The following MESP1 variants were observed in gnomAD, a reference collection of about 807,000 sequenced individuals.
MESP1 encodes mesoderm posterior bHLH transcription factor 1.
Under a neutral mutation model 15.2 loss-of-function variants are expected in MESP1, and 22 were observed. That is an observed-to-expected ratio of 1.45 (90% CI 1.04 to 2.07). MESP1 has a LOEUF of 2.07. MESP1 is among the 30% of genes most tolerant of loss of function. The probability of loss-of-function intolerance (pLI) is 0.00; values close to 1 mark genes in which losing one functional copy is unlikely to be tolerated. For synonymous variants in MESP1, 216 were observed against 192.6 expected, an observed-to-expected ratio of 1.12 and a Z score of -1.01; for missense variants, 484 against 411.9, an observed-to-expected ratio of 1.17 and a Z score of -1.51.
At chr15:89,748,811 T>G, downstream of MESP1, 1 of 152,200 alleles carries the variant, frequency 6.6e-6, no homozygotes, top group East Asian at 1.9e-4. Context: ...GTGAAAACGT[T>G]CTAAAATTAG....
chr15:89,736,181 C>T, the MESP1 span, among the ~76,000 whole-genome samples: 6 of 152,120 alleles, frequency 3.9e-5, no homozygotes, highest in African/African-American at 9.7e-5. Context: ...CTCAGTTCGG[C>T]GATGGACTCC....
At chr15:89,750,355 C>T in intron 1 of MESP1, 128 bp from the exon 2 acceptor site, 1 of 1,500,310 alleles carries the variant, frequency 6.7e-7, no homozygotes, top group Non-Finnish European at 8.9e-7. Flanking sequence ...TGGCCTTTCC[C>T]TGCCTTCGCT....
At chr15:89,746,518 GCCCAACCTCC>G (rs1967959771), downstream of MESP1, among the ~76,000 whole-genome samples, 1 of 61,764 alleles carries the variant, frequency 1.6e-5, no homozygotes, top group Non-Finnish European at 3.1e-5. Context: ...CACACACACA[GCCCAACCTCC>G]ACACACGCAC....
chr15:89,743,604 G>T, the MESP1 span: 1 of 581,476 alleles, frequency 1.7e-6, no homozygotes, highest in South Asian at 2.1e-5. Flanking sequence ...GCAGGCAGAT[G>T]TGTCACCCAA....
chr15:89,745,863 CAGG>C (rs1967930830), downstream of MESP1, among the ~76,000 whole-genome samples: 1 of 80,130 alleles, frequency 1.2e-5, no homozygotes, highest in Admixed American at 1.1e-4. This position sits in a 1 kb window ranked among gnomAD's most constrained non-coding sequence, Gnocchi z 4.8. Context: ...TTCCTCCCCA[CAGG>C]ATCCACACAC....
chr15:89,738,661 T>C, the MESP1 span, among the ~76,000 whole-genome samples: 1 of 144,842 alleles, frequency 6.9e-6, no homozygotes, highest in African/African-American at 2.6e-5. Context: ...TTCCCCTAAG[T>C]GAAGGGTTCT....
At chr15:89,737,051 A>G in the MESP1 span, among the ~76,000 whole-genome samples, 1 of 152,192 alleles carries the variant, frequency 6.6e-6, no homozygotes, top group Non-Finnish European at 1.5e-5. Context: ...TTGGCCTCCC[A>G]AAGTGCTGGG....
chr15:89,743,261 A>G, the MESP1 span: 4 of 1,597,728 alleles, frequency 2.5e-6, no homozygotes, highest in South Asian at 4.4e-5. Context: ...GTGAGAGGAG[A>G]TTCCTCTCAT....
chr15:89,739,553 G>A, the MESP1 span, among the ~76,000 whole-genome samples: 1 of 152,144 alleles, frequency 6.6e-6, no homozygotes. Context: ...GGAGAAATAG[G>A]TGTCTCTTCT....
the MESP1 span, chr15:89,733,206 G>A: frequency 6.2e-7 from 1 of 1,613,788 alleles, no homozygotes; most frequent in Non-Finnish European, 8.5e-7. Flanking sequence ...CACCATCAGT[G>A]TGCTTGTTGA....
chr15:89,747,450 C>T (rs562720458), downstream of MESP1, among the ~76,000 whole-genome samples: 478 of 152,338 alleles, frequency 3.1e-3, 5 homozygotes, highest in Admixed American at 5.0e-3. Flanking sequence ...AAGAGGAGGG[C>T]GGCTGGGGAC....
the MESP1 span, chr15:89,735,484 C>G: frequency 6.2e-7 from 1 of 1,614,040 alleles, no homozygotes; most frequent in Non-Finnish European, 8.5e-7. Flanking sequence ...ATTTTCTGTC[C>G]TATAGGCCTG....
At chr15:89,743,417 A>T in the MESP1 span, 3 of 1,612,370 alleles carry the variant, frequency 1.9e-6, no homozygotes, top group South Asian at 3.3e-5. Context: ...GGGATCTCTG[A>T]AAAGGAGGTT....
Position 89,750,707 on chromosome 15 carries a change from C to A in MESP1, c.525G>T (p.Gln175His). 1 of 1,382,700 alleles carries A rather than the reference C, an allele frequency of 7.2e-7. No homozygotes were observed. Among genetic ancestry groups the A allele is most frequent in the South Asian group, 1.7e-5 (1 of 59,990 alleles). 85.7% of individuals were successfully genotyped at this position (1,382,700 alleles called of 1,614,324 possible). A position where few individuals can be genotyped will look rare whatever the true frequency, so the allele number is the denominator to read the frequency against. The stretch of plus-strand genomic sequence containing the variant: ...CCTGCCCCTCAGCCTGCGTCCGTGT[C>A]TGCATCTGCGCGGGGCAGTCGTCGG... Reference protein sequence around the residue: ...LCPDDCPAQMQTRTQAEGQGQ... With the variant: ...LCPDDCPAQMHTRTQAEGQGQ... The change falls in exon 1 of 2, where the codon CAG becomes CAT. Residue 175 changes from glutamine to histidine, a missense_variant. By Grantham distance (24) the Gln-to-His change is conservative. Coordinates refer to ENST00000300057, the MANE Select transcript of MESP1 (RefSeq NM_018670.4).
chr15:89,750,880 G>A lies in MESP1; in HGVS notation c.352C>T (p.Gln118Ter), dbSNP rs771150933. ...FLPPSVAPAG[Q>*]SLTKIETLRL... ...AGCGTCTCGATCTTGGTCAGGCTCTGGCCCGCGGGCGCCACGGACGGCGGT... is the reference window on the plus strand; with the variant it reads ...AGCGTCTCGATCTTGGTCAGGCTCTAGCCCGCGGGCGCCACGGACGGCGGT... Residue 118 changes from glutamine (Q) to a stop codon, truncating the protein, a stop_gained, in exon 1 of 2, where the codon CAG (glutamine) becomes TAG (stop). Coordinates refer to ENST00000300057, the MANE Select transcript of MESP1 (RefSeq NM_018670.4). LOFTEE classifies it high-confidence loss of function. 2 of 1,508,814 alleles carry A rather than the reference G, an allele frequency of 1.3e-6. No homozygotes were observed. Among genetic ancestry groups the A allele is most frequent in the South Asian group, 1.2e-5 (1 of 81,086 alleles). The allele number at this position is 1,508,814 out of a possible 1,614,324, so 93.5% of individuals were successfully genotyped here. A position where few individuals can be genotyped will look rare whatever the true frequency, so the allele number is the denominator to read the frequency against.
the MESP1 span, chr15:89,733,149 A>C: frequency 6.2e-7 from 1 of 1,614,166 alleles, no homozygotes; most frequent in Non-Finnish European, 8.5e-7. Flanking sequence ...GGTGCTGTGC[A>C]CAGACGCCTC....
At chr15:89,747,160 G>A (rs1967987045), downstream of MESP1, among the ~76,000 whole-genome samples, 1 of 148,842 alleles carries the variant, frequency 6.7e-6, no homozygotes, top group Non-Finnish European at 1.5e-5. Context: ...CTACCTTGCT[G>A]CCAGGGCTCT....
the MESP1 span, chr15:89,743,373 A>G: frequency 1.2e-6 from 2 of 1,614,156 alleles, no homozygotes; most frequent in Non-Finnish European, 1.7e-6. Context: ...CGCTCCAGAG[A>G]GAGAACTTCA....
At chr15:89,741,033 A>G in the MESP1 span, among the ~76,000 whole-genome samples, 1 of 152,004 alleles carries the variant, frequency 6.6e-6, no homozygotes, top group African/African-American at 2.4e-5. Flanking sequence ...CCAGCTACTC[A>G]GGAGGCTGAG....
Sources: gnomAD v4.1 joint callset for allele counts (sites outside exome capture counted in the v4.1 genomes callset) on GRCh38, gnomAD v4.1.1 for gene constraint, Gnocchi (gnomAD v3.1) non-coding constraint, MANE v1.5 for transcripts, NCBI Gene and HGNC (gene_info 2026-07-23, HGNC 2026-07-21) for gene names.